The following PTPRD variants were observed in gnomAD, a reference collection of about 807,000 sequenced individuals.
PTPRD encodes receptor-type tyrosine-protein phosphatase delta.
PTPRD carries 34 observed loss-of-function variants against 214.5 expected under a neutral mutation model. The ratio of observed to expected loss-of-function variants is 0.16; its 90% CI spans 0.12 to 0.21. The LOEUF is 0.21. Ranked by LOEUF, PTPRD falls within the 10% of genes least tolerant of loss-of-function variation. The pLI is 1.00. For missense variants in PTPRD, 2,545 were observed against 2,398.7 expected, an observed-to-expected ratio of 1.06 and a Z score of -1.27; for synonymous variants, 1,128 against 845.7, an observed-to-expected ratio of 1.33 and a Z score of -5.79.
chr9:8,528,552 A>T (rs63618864), intron 15 of PTPRD, 39 bp downstream of exon 15: 1 of 1,524,928 alleles, frequency 6.6e-7, no homozygotes, highest in Non-Finnish European at 8.9e-7. Flanking sequence ...AAAAAAAAAA[A>T]TTCTCTAGGA....
intron 8 of PTPRD, among the ~76,000 whole-genome samples, chr9:9,558,976 T>A (rs1392361196): frequency 6.6e-6 from 1 of 152,202 alleles, no homozygotes; most frequent in Non-Finnish European, 1.5e-5. Flanking sequence ...CTCAGTGTAC[T>A]TCAATGCTCT....
chr9:8,916,183 A>G (rs1441302285), intron 11 of PTPRD, among the ~76,000 whole-genome samples: 2 of 152,162 alleles, frequency 1.3e-5, no homozygotes, highest in African/African-American at 4.8e-5. Context: ...TTTGGTTTAG[A>G]AAGAATAATG....
At position 9,877,488 on chromosome 9, in the gene PTPRD, G is replaced by T. The variant is rs74948115; in HGVS notation, c.-368+61019C>A. 2.6e-5 allele frequency among the ~76,000 whole-genome samples: 4 copies of T among 152,204 alleles called. No homozygotes were observed. In the East Asian group the frequency reaches 7.7e-4, roughly 29 times the overall value. Reference sequence around the variant, plus strand: ...ATGATATGTTAGAACCACTGTATGAGGTGGAGATTCTTTTCTTTTTCATGA... The same window carrying T: ...ATGATATGTTAGAACCACTGTATGATGTGGAGATTCTTTTCTTTTTCATGA... On this transcript the variant is annotated intron_variant, in intron 5 of 45. Coordinates refer to ENST00000381196, the MANE Select transcript of PTPRD (RefSeq NM_002839.4).
chr9:9,819,225 G>A (rs955019322), intron 5 of PTPRD, among the ~76,000 whole-genome samples: 1 of 152,112 alleles, frequency 6.6e-6, no homozygotes, highest in African/African-American at 2.4e-5. Context: ...TGTCTTCATT[G>A]ATGTTGAGTT....
intron 3 of PTPRD, among the ~76,000 whole-genome samples, chr9:10,061,047 A>T (rs1420773208): frequency 6.6e-6 from 1 of 151,056 alleles, no homozygotes; most frequent in Non-Finnish European, 1.5e-5. Context: ...ATCTCTCAGA[A>T]CATGAGAATA....
intron 12 of PTPRD, among the ~76,000 whole-genome samples, chr9:8,724,917 A>G (rs974557702): frequency 1.3e-5 from 2 of 152,168 alleles, no homozygotes; most frequent in African/African-American, 4.8e-5. Context: ...CAGCCTGGAT[A>G]ACAGAGTGAG....
chr9:10,045,039 T>C (rs2097364136), intron 3 of PTPRD, among the ~76,000 whole-genome samples: 1 of 151,630 alleles, frequency 6.6e-6, no homozygotes, highest in African/African-American at 2.4e-5. Context: ...AATGCAGAAA[T>C]TGCTCACTAT....
intron 44 of PTPRD, 89 bp downstream of exon 44, chr9:8,331,493 C>CAAAT (rs1186321055): frequency 2.1e-6 from 3 of 1,461,440 alleles, no homozygotes; most frequent in Admixed American, 2.1e-5. Flanking sequence ...AATAAAATTT[C>CAAAT]AAATAAGCAA....
chr9:9,714,001 G>A (rs542290324), intron 7 of PTPRD, among the ~76,000 whole-genome samples: 3 of 149,120 alleles, frequency 2.0e-5, no homozygotes, highest in East Asian at 2.0e-4. Context: ...CTCCAAAGTA[G>A]AATGTCTTGG....
intron 44 of PTPRD, among the ~76,000 whole-genome samples, chr9:8,321,461 TTG>T (rs4008233): frequency 0.011 from 943 of 86,108 alleles, 7 homozygotes; most frequent in African/African-American, 0.024. Context: ...GAAGTCTTCT[TTG>T]TGTGTGTGTG....
At chr9:9,156,092 T>C (rs2099880945) in intron 10 of PTPRD, among the ~76,000 whole-genome samples, 1 of 152,198 alleles carries the variant, frequency 6.6e-6, no homozygotes, top group Admixed American at 6.6e-5. Flanking sequence ...TTCACAGTTC[T>C]TGTTTATTTA....
chr9:9,795,871 A>G (rs1232535670), intron 5 of PTPRD, among the ~76,000 whole-genome samples: 1 of 152,128 alleles, frequency 6.6e-6, no homozygotes, highest in Non-Finnish European at 1.5e-5. Flanking sequence ...ACATAACAAA[A>G]TGATCCAAAT....
At chr9:10,524,563 A>T (rs529208521) in intron 2 of PTPRD, among the ~76,000 whole-genome samples, 2 of 152,184 alleles carry the variant, frequency 1.3e-5, no homozygotes, top group South Asian at 4.1e-4. Flanking sequence ...TATGAAGTCA[A>T]TGTTGTATTC....
At chr9:9,671,891 T>A (rs1201123437) in intron 7 of PTPRD, among the ~76,000 whole-genome samples, 2 of 152,172 alleles carry the variant, frequency 1.3e-5, no homozygotes, top group Non-Finnish European at 2.9e-5. Context: ...GGGGAAGACT[T>A]ACATTTGCCA....
chr9:8,337,520 C>A (rs1402780049), intron 43 of PTPRD, among the ~76,000 whole-genome samples: 1 of 151,960 alleles, frequency 6.6e-6, no homozygotes, highest in Non-Finnish European at 1.5e-5. Flanking sequence ...TGATGTTGCA[C>A]CAAACCACCG....
chr9:9,653,519 A>G (rs898495560), intron 7 of PTPRD, among the ~76,000 whole-genome samples: 2 of 152,156 alleles, frequency 1.3e-5, no homozygotes, highest in Non-Finnish European at 2.9e-5. Flanking sequence ...GTCCAGAAGC[A>G]TCAGTTAAAC....
intron 14 of PTPRD, among the ~76,000 whole-genome samples, chr9:8,587,660 T>C (rs1038637917): frequency 2.0e-5 from 3 of 152,092 alleles, no homozygotes; most frequent in Non-Finnish European, 4.4e-5. Flanking sequence ...AAAAGGAAAA[T>C]AAAGATATGC....
intron 14 of PTPRD, among the ~76,000 whole-genome samples, chr9:8,598,870 T>C (rs1367049820): frequency 2.0e-5 from 3 of 152,174 alleles, no homozygotes; most frequent in Non-Finnish European, 4.4e-5. Flanking sequence ...TTTCAAGACG[T>C]AGAAGCAAAA....
At chr9:10,113,538 C>T (rs531421788) in intron 3 of PTPRD, among the ~76,000 whole-genome samples, 6 of 152,028 alleles carry the variant, frequency 3.9e-5, no homozygotes, top group Non-Finnish European at 8.8e-5. Flanking sequence ...CAAACTTATC[C>T]AATGATAATG....
Sources: gnomAD v4.1 joint callset for allele counts (sites outside exome capture counted in the v4.1 genomes callset) on GRCh38, gnomAD v4.1.1 for gene constraint, MANE v1.5 for transcripts, NCBI Gene and HGNC (gene_info 2026-07-23, HGNC 2026-07-21) for gene names.